The following RPRD2 variants were observed in gnomAD, a reference collection of about 807,000 sequenced individuals.
RPRD2 encodes regulation of nuclear pre-mRNA domain containing 2.
RPRD2 carries 12 observed loss-of-function variants against 104.4 expected under a neutral mutation model. The ratio of observed to expected loss-of-function variants is 0.11; its 90% CI spans 0.07 to 0.19. The LOEUF is 0.19. Among genes scored for constraint, RPRD2 ranks in the 10% least tolerant of loss-of-function variants. The pLI is 1.00. For synonymous variants in RPRD2, 714 were observed against 684.9 expected (o/e 1.04, Z -0.66); for missense variants, 1,543 against 1,790.1 (o/e 0.86, Z 2.49).
At chr1:150,419,446 A>G (rs1280219534) in intron 2 of RPRD2, among the ~76,000 whole-genome samples, 5 of 152,210 alleles carry the variant, frequency 3.3e-5, no homozygotes, top group African/African-American at 1.2e-4. Context: ...TAAAATGTCT[A>G]CCTTGCTATT....
chr1:150,406,935 G>A (rs1362448851), intron 1 of RPRD2, among the ~76,000 whole-genome samples: 3 of 151,994 alleles, frequency 2.0e-5, no homozygotes, highest in Non-Finnish European at 2.9e-5. Context: ...GGCTGGTCTC[G>A]AACTCCTGAC....
At chr1:150,431,772 C>T (rs782596413) in intron 2 of RPRD2, among the ~76,000 whole-genome samples, 1 of 151,872 alleles carries the variant, frequency 6.6e-6, no homozygotes, top group Admixed American at 6.6e-5. Flanking sequence ...TGAGCCACTG[C>T]GCCCGGCCAA....
intron 1 of RPRD2, among the ~76,000 whole-genome samples, chr1:150,408,158 A>ATTTTTTTTTTTT (rs10684924): frequency 3.2e-5 from 3 of 95,094 alleles, no homozygotes; most frequent in Non-Finnish European, 5.9e-5. Context: ...TATTCATATG[A>ATTTTTTTTTTTT]TTTTTTTTTT....
At chr1:150,410,232 A>G (rs1553887369) in intron 1 of RPRD2, among the ~76,000 whole-genome samples, 1 of 152,100 alleles carries the variant, frequency 6.6e-6, no homozygotes, top group African/African-American at 2.4e-5. Flanking sequence ...AGGCCATTGT[A>G]AGGACTTTGA....
At chr1:150,416,959 C>T (rs1270299331) in intron 1 of RPRD2, among the ~76,000 whole-genome samples, 2 of 151,598 alleles carry the variant, frequency 1.3e-5, no homozygotes, top group African/African-American at 4.8e-5. Context: ...GCAGGACATT[C>T]GTCTAGTGAT....
intron 2 of RPRD2, among the ~76,000 whole-genome samples, chr1:150,424,203 G>C (rs1664956705): frequency 6.6e-6 from 1 of 152,112 alleles, no homozygotes; most frequent in Non-Finnish European, 1.5e-5. Flanking sequence ...CAATTTATGT[G>C]AAAATATGTT....
At chr1:150,381,798 C>A (rs1661155536) in intron 1 of RPRD2, among the ~76,000 whole-genome samples, 1 of 152,048 alleles carries the variant, frequency 6.6e-6, no homozygotes, top group Non-Finnish European at 1.5e-5. Flanking sequence ...GCCACCGCGC[C>A]CGGCCACAGG....
At chr1:150,459,945 C>T in intron 8 of RPRD2, 115 bp from the exon 9 acceptor site, 1 of 797,244 alleles carries the variant, frequency 1.3e-6, no homozygotes. Flanking sequence ...TCGTTGTTTT[C>T]TCTAAAGTAG....
intron 1 of RPRD2, among the ~76,000 whole-genome samples, chr1:150,411,383 C>T (rs1395347280): frequency 1.4e-5 from 2 of 144,228 alleles, no homozygotes; most frequent in Non-Finnish European, 3.0e-5. Flanking sequence ...ATTGCTTGAA[C>T]CTGGGAGGCG....
chr1:150,402,011 G>C (rs374708086), intron 1 of RPRD2, among the ~76,000 whole-genome samples: 3 of 150,180 alleles, frequency 2.0e-5, no homozygotes, highest in African/African-American at 7.4e-5. Flanking sequence ...CCAGGCTGGA[G>C]TGCAGTGGCA....
At chr1:150,434,892 T>G (rs1483827844) in intron 2 of RPRD2, among the ~76,000 whole-genome samples, 1 of 152,148 alleles carries the variant, frequency 6.6e-6, no homozygotes, top group African/African-American at 2.4e-5. Flanking sequence ...GTTTGTTAAG[T>G]GAAAATAACA....
chr1:150,373,794 T>C (rs1424500752), intron 1 of RPRD2, among the ~76,000 whole-genome samples: 5 of 152,152 alleles, frequency 3.3e-5, no homozygotes, highest in Admixed American at 1.3e-4. Flanking sequence ...GCGTGTCTAG[T>C]ATATGGATTG....
intron 2 of RPRD2, among the ~76,000 whole-genome samples, chr1:150,428,107 A>G (rs1413390569): frequency 6.6e-6 from 1 of 152,174 alleles, no homozygotes; most frequent in Non-Finnish European, 1.5e-5. Context: ...TCGTAGACTA[A>G]GTTATATGAA....
rs191934207 is a variant in RPRD2 at position 150,462,582 on chromosome 1, C to G, written c.1412-1945C>G. Among the ~76,000 whole-genome samples the G allele has an allele frequency of 2.7e-3, 417 of 151,992 alleles. 1 individual carries two copies. The highest frequency in any genetic ancestry group is 5.0e-3 in the Admixed American group (77 of 15,262). On this transcript the variant is annotated intron_variant, in intron 9 of 10. Transcript: ENST00000369068. ...ATTTATTTATTTATTTTGAGACAGTCTCACTCTGTCCCCCAGGCTGCTGGA... is the reference window on the plus strand; with the variant it reads ...ATTTATTTATTTATTTTGAGACAGTGTCACTCTGTCCCCCAGGCTGCTGGA...
intron 7 of RPRD2, among the ~76,000 whole-genome samples, chr1:150,451,203 TC>T (rs781943035): frequency 6.6e-6 from 1 of 152,200 alleles, no homozygotes; most frequent in Non-Finnish European, 1.5e-5. Context: ...AGGTTATGCA[TC>T]TTTAGAAGGA....
rs1185467670 is a variant in RPRD2 at position 150,474,560 on chromosome 1, C to T, written c.*1226C>T. 6.6e-6 allele frequency: 1 copy of T among 152,188 alleles called. No individual in the cohort carries two copies. Among genetic ancestry groups the T allele is most frequent in the African/African-American group, 2.4e-5 (1 of 41,436 alleles). The allele number at this position is 152,188 out of a possible 1,614,324, so 9.4% of individuals were successfully genotyped here. On this transcript the variant is annotated 3_prime_UTR_variant, in exon 11 of 11. Coordinates refer to ENST00000369068, the MANE Select transcript of RPRD2 (RefSeq NM_015203.5). ...AGTTGTTTTACATGCAAGATAAGTG[C>T]TTTCCTTCTCCCTGGACTGAAAGAC... is the stretch of plus-strand genomic sequence containing the variant.
rs1560198403 is a variant in RPRD2 at position 150,433,506 on chromosome 1, GCA to G, written c.336-7416_336-7415del. On this transcript the variant is annotated intron_variant, in intron 2 of 10. Coordinates refer to ENST00000369068, the MANE Select transcript of RPRD2 (RefSeq NM_015203.5). Reference sequence around the variant, plus strand: ...GTCACCCAGGCTGGAGTGCAGTGGCGCAATCTCAGCTCACTGCAAGCTCCTCC... The same window carrying G: ...GTCACCCAGGCTGGAGTGCAGTGGCGATCTCAGCTCACTGCAAGCTCCTCC... Among the ~76,000 whole-genome samples, 58 of 138,800 alleles carry G rather than the reference GCA, an allele frequency of 4.2e-4. 1 individual carries two copies. The highest frequency in any genetic ancestry group is 1.2e-4 in the Non-Finnish European group (8 of 65,988). 91.1% of individuals were successfully genotyped at this position (138,800 alleles called of 152,430 possible).
chr1:150,380,393 AT>A (rs59245682), intron 1 of RPRD2, among the ~76,000 whole-genome samples: 18 of 148,676 alleles, frequency 1.2e-4, no homozygotes, highest in African/African-American at 4.5e-4. Flanking sequence ...ATATTACCCT[AT>A]TTTTTTTTGT....
chr1:150,385,977 C>G lies in RPRD2; in HGVS notation c.205+21058C>G, dbSNP rs782531403. Among the ~76,000 whole-genome samples, 8 of 151,856 alleles carry G rather than the reference C, an allele frequency of 5.3e-5. 1 individual carries two copies. The highest frequency in any genetic ancestry group is 1.9e-4 in the African/African-American group (8 of 41,390). On this transcript the variant is annotated intron_variant, in intron 1 of 10. Transcript: ENST00000369068. Reference sequence around the variant, plus strand: ...GAGTTTCCTGAGTTGAGTAATAAATCGTAGGTAAGTAGGGTAGAGTTTGTA... The same window carrying G: ...GAGTTTCCTGAGTTGAGTAATAAATGGTAGGTAAGTAGGGTAGAGTTTGTA...
Sources: allele counts gnomAD v4.1 joint callset (sites outside exome capture counted in the v4.1 genomes callset), GRCh38; gene constraint gnomAD v4.1.1; transcripts MANE v1.5; gene names NCBI Gene and HGNC (gene_info 2026-07-23, HGNC 2026-07-21).